Variants in PRKAR1A observed in about 807,000 individuals in gnomAD.
PRKAR1A encodes the protein cAMP-dependent protein kinase type I-alpha regulatory subunit.
Under a neutral mutation model 52.0 loss-of-function variants are expected in PRKAR1A, and 3 were observed. The observed-to-expected ratio is 0.06, with a 90% CI of 0.03 to 0.15. PRKAR1A has a LOEUF of 0.15. PRKAR1A is among the 10% of genes least tolerant of loss of function. PRKAR1A has a pLI of 1.00. For synonymous variants in PRKAR1A, 188 were observed against 168.4 expected, an observed-to-expected ratio of 1.12 and a Z score of -0.90; for missense variants, 240 against 477.4, an observed-to-expected ratio of 0.50 and a Z score of 4.63.
the PRKAR1A span, chr17:68,457,527 A>G: frequency 7.2e-6 from 2 of 275,880 alleles, no homozygotes; most frequent in Non-Finnish European, 4.4e-6. Flanking sequence ...CCCCGCCCCT[A>G]CCCCGCCCCG....
At chr17:68,524,424 A>G (rs562559079) in intron 5 of PRKAR1A, among the ~76,000 whole-genome samples, 2 of 152,260 alleles carry the variant, frequency 1.3e-5, no homozygotes, top group African/African-American at 2.4e-5. Context: ...AAACACCTAC[A>G]TTCTTCATTG....
rs1261573199 is a variant in PRKAR1A, at chr17:68,532,874, T to C, written c.*2425T>C. 9.4e-7 allele frequency: 1 copy of C among 1,066,344 alleles called. No individual in the cohort carries two copies. Among genetic ancestry groups the C allele is most frequent in the Non-Finnish European group, 1.1e-6 (1 of 879,788 alleles). The allele number at this position is 1,066,344 out of a possible 1,614,324, so 66.1% of individuals were successfully genotyped here. A position where few individuals can be genotyped will look rare whatever the true frequency, so the allele number is the denominator to read the frequency against. On this transcript the variant is annotated 3_prime_UTR_variant, in exon 11 of 11. Coordinates refer to ENST00000589228, the MANE Select transcript of PRKAR1A (RefSeq NM_002734.5). The stretch of plus-strand genomic sequence containing the variant: ...AAATGAAAAGGGGGAAAGTGAATTA[T>C]GGGATCGGTGTTTTGAAAGAGCAAT...
chr17:68,489,339 GTATA>G, the PRKAR1A span, among the ~76,000 whole-genome samples: 1,332 of 22,010 alleles, frequency 0.061, 184 homozygotes, highest in African/African-American at 0.16. Flanking sequence ...TATATGGAAA[GTATA>G]TATATATATA....
At chr17:68,534,361 A>G (rs144607885), downstream of PRKAR1A, among the ~76,000 whole-genome samples, 19 of 152,144 alleles carry the variant, frequency 1.2e-4, no homozygotes, top group African/African-American at 4.3e-4. Flanking sequence ...TCATTCATGG[A>G]TTCTGTATTT....
chr17:68,446,611 CCAAT>C, the PRKAR1A span, among the ~76,000 whole-genome samples: 1 of 152,220 alleles, frequency 6.6e-6, no homozygotes, highest in Non-Finnish European at 1.5e-5. Flanking sequence ...TCTGACTTAT[CCAAT>C]CACTGTGCCT....
At chr17:68,466,948 T>A in the PRKAR1A span, among the ~76,000 whole-genome samples, 1 of 152,306 alleles carries the variant, frequency 6.6e-6, no homozygotes, top group Admixed American at 6.5e-5. Flanking sequence ...CCCTTGGCAA[T>A]GACCAGTCAG....
chr17:68,465,599 C>T, the PRKAR1A span, among the ~76,000 whole-genome samples: 2 of 148,332 alleles, frequency 1.3e-5, no homozygotes, highest in African/African-American at 4.9e-5. Context: ...GGATTACAGA[C>T]GTGCGGTGCG....
At chr17:68,497,685 T>A in the PRKAR1A span, among the ~76,000 whole-genome samples, 1 of 152,156 alleles carries the variant, frequency 6.6e-6, no homozygotes, top group Non-Finnish European at 1.5e-5. Flanking sequence ...ATGATTCTCA[T>A]TTTACAGATG....
the PRKAR1A span, chr17:68,428,829 C>T: frequency 6.2e-7 from 1 of 1,611,638 alleles, no homozygotes; most frequent in Admixed American, 1.7e-5. Flanking sequence ...GTCTCTTCAC[C>T]TGTGGGTTTT....
At chr17:68,541,603 T>G in intron 11 of PRKAR1A, 1 of 199,274 alleles carries the variant, frequency 5.0e-6, no homozygotes, top group Admixed American at 5.3e-5. Context: ...TCCCAGGGCT[T>G]GCTCGGGAAC....
Position 68,544,465 on chromosome 17 carries a change from C to T in PRKAR1A, c.974-6619C>T, listed in dbSNP as rs551091182. On this transcript the variant is annotated intron_variant, in intron 11 of 11. Coordinates refer to the PRKAR1A transcript ENST00000585981. ...CCTCTAGGCTGACTTTGCCTCGAGGCTAATAAACATGGAAGAATGATGATC... is the reference window on the plus strand; with the variant it reads ...CCTCTAGGCTGACTTTGCCTCGAGGTTAATAAACATGGAAGAATGATGATC... Among the ~76,000 whole-genome samples the T allele has an allele frequency of 1.2e-4, 19 of 152,116 alleles. No individual in the cohort carries two copies. In the South Asian group the frequency reaches 2.3e-3, roughly 18 times the overall value.
chr17:68,511,007 A>C (rs2085257159), upstream of PRKAR1A, among the ~76,000 whole-genome samples: 1 of 152,208 alleles, frequency 6.6e-6, no homozygotes, highest in Non-Finnish European at 1.5e-5. Flanking sequence ...AACAAAAGTG[A>C]AATTAACTTT....
At chr17:68,444,248 T>C in the PRKAR1A span, among the ~76,000 whole-genome samples, 2 of 152,330 alleles carry the variant, frequency 1.3e-5, no homozygotes, top group South Asian at 2.1e-4. Context: ...TTTGCTGATA[T>C]GGGTCCCAGA....
At chr17:68,508,178 G>C (rs1304828898), upstream of PRKAR1A, among the ~76,000 whole-genome samples, 2 of 152,108 alleles carry the variant, frequency 1.3e-5, no homozygotes, top group African/African-American at 4.8e-5. Flanking sequence ...GCAGATTTTG[G>C]ACTGTATATA....
At chr17:68,486,969 G>A in the PRKAR1A span, among the ~76,000 whole-genome samples, 1 of 151,928 alleles carries the variant, frequency 6.6e-6, no homozygotes, top group Admixed American at 6.6e-5. Flanking sequence ...CGCCTCCCAG[G>A]TTCAAGCAAT....
chr17:68,478,565 T>C, the PRKAR1A span, among the ~76,000 whole-genome samples: 1 of 152,170 alleles, frequency 6.6e-6, no homozygotes, highest in African/African-American at 2.4e-5. Flanking sequence ...AAAGTTTGTA[T>C]TGCGATCTGA....
At chr17:68,550,586 G>A (rs2086792342) in intron 11 of PRKAR1A, among the ~76,000 whole-genome samples, 2 of 152,066 alleles carry the variant, frequency 1.3e-5, no homozygotes, top group Middle Eastern at 3.4e-3. Context: ...TCACCATGAT[G>A]GCCAGGCTGG....
chr17:68,460,350 G>C, the PRKAR1A span, among the ~76,000 whole-genome samples: 2 of 152,162 alleles, frequency 1.3e-5, no homozygotes, highest in Non-Finnish European at 2.9e-5. Flanking sequence ...GTTGGGAAGG[G>C]GAAGCCCATT....
At chr17:68,537,839 T>C, downstream of PRKAR1A, 1 of 1,326,162 alleles carries the variant, frequency 7.5e-7, no homozygotes, top group Non-Finnish European at 1.1e-6. The surrounding 1 kb of genome is among the most constrained non-coding windows in gnomAD (Gnocchi z 4.2). Flanking sequence ...GCTGATACTC[T>C]TGGCGCCTCT....
Sources: gnomAD v4.1 joint callset for allele counts (sites outside exome capture counted in the v4.1 genomes callset) on GRCh38, gnomAD v4.1.1 for gene constraint, Gnocchi (gnomAD v3.1) non-coding constraint, MANE v1.5 for transcripts, NCBI Gene and HGNC (gene_info 2026-07-23, HGNC 2026-07-21) for gene names.